Variants in UPRT observed in about 807,000 individuals in gnomAD.
The protein encoded by UPRT is RP11-311P8.3.
Under a neutral mutation model 22.6 loss-of-function variants are expected in UPRT, and 5 were observed. That is an observed-to-expected ratio of 0.22 (90% confidence interval 0.12 to 0.47). The LOEUF (loss-of-function observed/expected upper bound fraction) is 0.47, where lower values mean the gene tolerates loss of function less well. Ranked by LOEUF, UPRT falls within the 20% of genes least tolerant of loss-of-function variation. The probability of loss-of-function intolerance (pLI) is 0.99; values close to 1 mark genes in which losing one functional copy is unlikely to be tolerated. For synonymous variants in UPRT, 77 were observed against 87.7 expected, an observed-to-expected ratio of 0.88 and a Z score of 0.68; for missense variants, 181 against 239.9, an observed-to-expected ratio of 0.75 and a Z score of 1.62.
intron 4 of UPRT, among the ~76,000 whole-genome samples, chrX:75,188,181 G>A (rs962782091): frequency 2.7e-5 from 3 of 111,836 alleles, no homozygotes; most frequent in Non-Finnish European, 5.6e-5. Flanking sequence ...TTTGATGATG[G>A]TGATGTACAG....
rs2082266200 is a variant in UPRT at position 75,180,681 on chromosome X, G to GTTTTTTTTTTTTGTTTTT, written c.-447+12814_-447+12815insGTTTTTTTTTTTTTTTTT. On this transcript the variant is annotated intron_variant, in intron 4 of 13. Coordinates refer to the UPRT transcript ENST00000652605. ...GTCTTCCATCTTCCCCCTTTTCTCT[G>GTTTTTTTTTTTTGTTTTT]TTTTTTTTTTTTTGTTTTTTTTTTT... 1.2e-3 allele frequency among the ~76,000 whole-genome samples: 51 copies of GTTTTTTTTTTTTGTTTTT among 43,900 alleles called. 1 individual carries two copies. Among genetic ancestry groups the GTTTTTTTTTTTTGTTTTT allele is most frequent in the East Asian group, 2.6e-3 (3 of 1,151 alleles). The allele number at this position is 43,900 out of a possible 115,157, so 38.1% of individuals were successfully genotyped here. A position where few individuals can be genotyped will look rare whatever the true frequency, so the allele number is the denominator to read the frequency against.
intron 4 of UPRT, among the ~76,000 whole-genome samples, chrX:75,214,969 A>T (rs1468424759): frequency 2.9e-5 from 3 of 105,037 alleles, no homozygotes; most frequent in Non-Finnish European, 5.8e-5. Flanking sequence ...ACACACACAC[A>T]CACACACACA....
chrX:75,287,232 A>G (rs2082685800), intron 1 of UPRT, among the ~76,000 whole-genome samples: 1 of 111,925 alleles, frequency 8.9e-6, no homozygotes, highest in African/African-American at 3.2e-5. Context: ...AAATGTCAAT[A>G]TCTGCTGTGA....
chrX:75,190,379 A>T (rs1391669098), intron 4 of UPRT, among the ~76,000 whole-genome samples: 2 of 111,693 alleles, frequency 1.8e-5, no homozygotes, highest in Admixed American at 1.9e-4. Flanking sequence ...GTTTGTGGGT[A>T]ACCCGACCTT....
intron 6 of UPRT, 67 bp from the exon 7 acceptor site, chrX:75,303,338 C>A (rs770480170): frequency 2.3e-6 from 2 of 886,179 alleles, no homozygotes; most frequent in Non-Finnish European, 3.2e-6. Context: ...GCAATAACTA[C>A]AAAATTCCTG....
At chrX:75,280,287 T>C (rs768151353) in intron 1 of UPRT, among the ~76,000 whole-genome samples, 1 of 111,970 alleles carries the variant, frequency 8.9e-6, no homozygotes, top group African/African-American at 3.2e-5. Flanking sequence ...TTTAATTAAG[T>C]CCCAGCTATT....
chrX:75,183,519 A>C (rs1182685570), intron 4 of UPRT, among the ~76,000 whole-genome samples: 1 of 111,923 alleles, frequency 8.9e-6, no homozygotes, highest in Non-Finnish European at 1.9e-5. Flanking sequence ...ATGATTTATA[A>C]TCCTTTGGGT....
chrX:75,250,100 A>C (rs1285612257), intron 4 of UPRT, among the ~76,000 whole-genome samples: 1 of 112,261 alleles, frequency 8.9e-6, no homozygotes. Context: ...TGCTCACAAC[A>C]GAAAGCAGGA....
In UPRT at chrX:75,174,582, C is replaced by T. The variant is rs771439269; in HGVS notation, c.-447+6703C>T. ...GAAGCCTTTTCCTGTAAACCCCAGGCGGCATCTCATACTATCCCTTACTGG... is the reference window on the plus strand; with the variant it reads ...GAAGCCTTTTCCTGTAAACCCCAGGTGGCATCTCATACTATCCCTTACTGG... On this transcript the variant is annotated intron_variant, in intron 4 of 13. Coordinates refer to the UPRT transcript ENST00000652605. 2.3e-4 allele frequency among the ~76,000 whole-genome samples: 26 copies of T among 111,469 alleles called. 1 individual carries two copies. In the East Asian group the frequency reaches 5.2e-3, roughly 22 times the overall value.
At chrX:75,195,536 C>T (rs2082330360) in intron 4 of UPRT, among the ~76,000 whole-genome samples, 1 of 112,172 alleles carries the variant, frequency 8.9e-6, no homozygotes, top group Non-Finnish European at 1.9e-5. Context: ...GAGTTCTGCC[C>T]CTGCCACTTC....
chrX:75,251,611 G>C (rs759036581), intron 4 of UPRT, among the ~76,000 whole-genome samples: 117 of 111,649 alleles, frequency 1.0e-3, no homozygotes, highest in African/African-American at 3.7e-3. Context: ...TAGGAAGAAT[G>C]AATGTCGTGA....
At chrX:75,266,188 T>C (rs2082587835) in intron 4 of UPRT, among the ~76,000 whole-genome samples, 1 of 111,414 alleles carries the variant, frequency 9.0e-6, no homozygotes, top group Non-Finnish European at 1.9e-5. Flanking sequence ...GACCTCAAAG[T>C]ATACTACAAG....
intron 4 of UPRT, among the ~76,000 whole-genome samples, chrX:75,186,279 A>G (rs1490204843): frequency 9.0e-6 from 1 of 110,854 alleles, no homozygotes; most frequent in African/African-American, 3.3e-5. Context: ...TTCGTTATGT[A>G]CCCAGTAGTC....
At chrX:75,264,349 T>A (rs1248188630) in intron 4 of UPRT, among the ~76,000 whole-genome samples, 1 of 111,506 alleles carries the variant, frequency 9.0e-6, no homozygotes, top group Non-Finnish European at 1.9e-5. Flanking sequence ...TATTATTGTG[T>A]GGGTGTCTAA....
intron 4 of UPRT, among the ~76,000 whole-genome samples, chrX:75,214,122 A>C (rs1036627583): frequency 1.8e-5 from 2 of 112,376 alleles, no homozygotes; most frequent in Non-Finnish European, 3.8e-5. Flanking sequence ...TGAATCATAC[A>C]ATGTCTGCTC....
intron 4 of UPRT, among the ~76,000 whole-genome samples, chrX:75,178,016 A>G (rs2082254368): frequency 8.9e-6 from 1 of 112,350 alleles, no homozygotes; most frequent in Non-Finnish European, 1.9e-5. Flanking sequence ...CGCTTGGGCG[A>G]CATGCTTGTG....
chrX:75,239,728 C>T (rs780797623), intron 4 of UPRT, among the ~76,000 whole-genome samples: 9 of 111,123 alleles, frequency 8.1e-5, no homozygotes, highest in East Asian at 2.8e-4. Flanking sequence ...GAATTCAACA[C>T]GATACCACAA....
At chrX:75,207,837 T>A (rs1034772615) in intron 4 of UPRT, among the ~76,000 whole-genome samples, 1 of 111,716 alleles carries the variant, frequency 9.0e-6, no homozygotes. Flanking sequence ...TTGCCATATG[T>A]TTGGCAGAGT....
chrX:75,171,648 G>T (rs2082227849), intron 4 of UPRT, among the ~76,000 whole-genome samples: 1 of 19,315 alleles, frequency 5.2e-5, no homozygotes, highest in Non-Finnish European at 3.4e-4. Context: ...GTTAAAGAAG[G>T]TTGTTTTTTT....
Sources: gnomAD v4.1 joint callset for allele counts (sites outside exome capture counted in the v4.1 genomes callset) on GRCh38, gnomAD v4.1.1 for gene constraint, MANE v1.5 for transcripts, NCBI Gene and HGNC (gene_info 2026-07-23, HGNC 2026-07-21) for gene names.